LMLN: variants seen among roughly 807,000 people sequenced by gnomAD.
LMLN encodes leishmanolysin-like peptidase.
Under a neutral mutation model 92.3 loss-of-function variants are expected in LMLN, and 70 were observed. The observed-to-expected ratio is 0.76, with a 90% confidence interval of 0.63 to 0.92. LMLN has a LOEUF of 0.92. LMLN is among the 40% of genes least tolerant of loss of function. The probability of loss-of-function intolerance (pLI) is 0.00; values close to 1 mark genes in which losing one functional copy is unlikely to be tolerated. For synonymous variants in LMLN, 308 were observed against 296.2 expected, an observed-to-expected ratio of 1.04 and a Z score of -0.41; for missense variants, 691 against 814.6, an observed-to-expected ratio of 0.85 and a Z score of 1.85.
chr3:197,980,525 T>C, intron 6 of LMLN, 21 bp downstream of exon 6: 1 of 1,603,204 alleles, frequency 6.2e-7, no homozygotes, highest in South Asian at 1.1e-5. Flanking sequence ...CTCCGGGACT[T>C]AGTTTCCAAG....
At chr3:197,969,038 T>A (rs1047123491) in intron 1 of LMLN, among the ~76,000 whole-genome samples, 6 of 152,098 alleles carry the variant, frequency 3.9e-5, no homozygotes, top group Admixed American at 2.6e-4. Flanking sequence ...AAGTCTGTAG[T>A]GATATCTTCT....
At chr3:198,007,340 G>A (rs898258859) in intron 11 of LMLN, among the ~76,000 whole-genome samples, 26 of 152,252 alleles carry the variant, frequency 1.7e-4, no homozygotes, top group Admixed American at 2.0e-4. Flanking sequence ...TGATTCATTT[G>A]AGTTAAGTTT....
At chr3:198,006,674 TACTC>T (rs1722302156) in intron 11 of LMLN, among the ~76,000 whole-genome samples, 1 of 152,162 alleles carries the variant, frequency 6.6e-6, no homozygotes, top group Admixed American at 6.6e-5. Flanking sequence ...TTCATGTGCT[TACTC>T]ACTGATAATA....
chr3:197,988,360 C>A (rs779101116), intron 8 of LMLN, among the ~76,000 whole-genome samples: 5 of 150,776 alleles, frequency 3.3e-5, no homozygotes, highest in Non-Finnish European at 5.9e-5. Flanking sequence ...AATTATTATT[C>A]GATTTCTTTA....
intron 1 of LMLN, among the ~76,000 whole-genome samples, 154 bp downstream of exon 1, chr3:197,960,594 C>G (rs1328622751): frequency 6.6e-6 from 1 of 152,124 alleles, no homozygotes; most frequent in Admixed American, 6.5e-5. Flanking sequence ...GCTCTCAGCT[C>G]CCTACACCCT....
At position 198,013,782 on chromosome 3, in the gene LMLN, TCTGAC is replaced by T. The variant is rs1473788669; in HGVS notation, c.1233-5470_1233-5466del. 5.7e-5 allele frequency among the ~76,000 whole-genome samples: 8 copies of T among 139,304 alleles called. 1 individual carries two copies. Among genetic ancestry groups the T allele is most frequent in the African/African-American group, 2.4e-4 (8 of 33,310 alleles). 91.4% of individuals were successfully genotyped at this position (139,304 alleles called of 152,430 possible). A position where few individuals can be genotyped will look rare whatever the true frequency, so the allele number is the denominator to read the frequency against. On this transcript the variant is annotated intron_variant, in intron 11 of 15. Transcript: ENST00000330198. ...CCACCCTTCAGAGCCCCCTAACTAG[TCTGAC>T]TTCTCTCCACCCTTCAGAGCCTCCT...
intron 11 of LMLN, among the ~76,000 whole-genome samples, chr3:198,000,502 A>C (rs1239032514): frequency 2.0e-5 from 3 of 152,212 alleles, no homozygotes; most frequent in Admixed American, 1.3e-4. Context: ...ATCTTGGCTC[A>C]CTGCAACCTC....
intron 10 of LMLN, among the ~76,000 whole-genome samples, chr3:197,997,645 A>G (rs1195649246): frequency 6.6e-6 from 1 of 152,194 alleles, no homozygotes; most frequent in Admixed American, 6.5e-5. Flanking sequence ...TGGCTGTCTT[A>G]GTATACTTGG....
intron 11 of LMLN, among the ~76,000 whole-genome samples, chr3:198,001,896 A>C (rs1043637782): frequency 1.2e-4 from 18 of 151,888 alleles, no homozygotes; most frequent in African/African-American, 4.4e-4. Flanking sequence ...AAAGTGATCC[A>C]CCCACCTTGG....
intron 14 of LMLN, among the ~76,000 whole-genome samples, chr3:198,033,458 C>T (rs1383626106): frequency 1.3e-5 from 2 of 151,686 alleles, no homozygotes; most frequent in African/African-American, 4.8e-5. Context: ...ACTCTGTCAC[C>T]CAGGCTGGAG....
chr3:198,002,345 G>C (rs985873816), intron 11 of LMLN, among the ~76,000 whole-genome samples: 4 of 152,100 alleles, frequency 2.6e-5, no homozygotes, highest in African/African-American at 9.7e-5. Flanking sequence ...TGGCCAGGCT[G>C]GTCTCGAACT....
intron 11 of LMLN, among the ~76,000 whole-genome samples, chr3:198,018,265 C>A (rs566993776): frequency 1.3e-5 from 2 of 152,262 alleles, no homozygotes; most frequent in East Asian, 1.9e-4. Flanking sequence ...CTTCCATATT[C>A]ATTGGAAGCT....
At chr3:197,996,450 A>G (rs1560144059) in intron 10 of LMLN, 168 bp downstream of exon 10, 3 of 462,988 alleles carry the variant, frequency 6.5e-6, no homozygotes, top group Non-Finnish European at 1.1e-5. Flanking sequence ...TTTTTTGTAT[A>G]TACTTTCATA....
Position 198,031,232 on chromosome 3 carries a change from T to G in LMLN, c.1657-4601T>G, listed in dbSNP as rs1723071368. ...GGGAGACAGTTACAGAAAAGTAAAATGTATGCGGAGGCTAAAGGAAGATAA... is the reference window on the plus strand; with the variant it reads ...GGGAGACAGTTACAGAAAAGTAAAAGGTATGCGGAGGCTAAAGGAAGATAA... On this transcript the variant is annotated intron_variant, in intron 14 of 15. Coordinates refer to ENST00000330198, the Ensembl canonical transcript of LMLN. This position sits in a 1 kb window ranked among gnomAD's most constrained non-coding sequence, Gnocchi z 4.8. 6.6e-6 allele frequency among the ~76,000 whole-genome samples: 1 copy of G among 152,220 alleles called. No individual in the cohort carries two copies. The highest frequency in any genetic ancestry group is 1.5e-5 in the Non-Finnish European group (1 of 68,046).
At chr3:198,012,841 A>G (rs1365605058) in intron 11 of LMLN, among the ~76,000 whole-genome samples, 5 of 146,060 alleles carry the variant, frequency 3.4e-5, no homozygotes, top group Admixed American at 2.7e-4. Flanking sequence ...TCCACCCTTC[A>G]GAGTCCCCTA....
At chr3:197,978,443 C>G (rs1721465745) in intron 5 of LMLN, among the ~76,000 whole-genome samples, 1 of 152,096 alleles carries the variant, frequency 6.6e-6, no homozygotes, top group Non-Finnish European at 1.5e-5. Context: ...TAAGACTAGC[C>G]TTGGCAACAT....
intron 5 of LMLN, among the ~76,000 whole-genome samples, chr3:197,976,939 C>G (rs1305205295): frequency 6.6e-6 from 1 of 152,212 alleles, no homozygotes; most frequent in Non-Finnish European, 1.5e-5. Context: ...CCCTGTTTAT[C>G]TTGGTCTGCT....
chr3:197,989,938 G>C (rs1327217469), intron 8 of LMLN, among the ~76,000 whole-genome samples: 1 of 152,208 alleles, frequency 6.6e-6, no homozygotes, highest in African/African-American at 2.4e-5. Flanking sequence ...GCGGCTGTGT[G>C]AACATAGCTC....
At chr3:198,006,748 C>T (rs6808616) in intron 11 of LMLN, among the ~76,000 whole-genome samples, 31,305 of 151,304 alleles carry the variant, frequency 0.21, 5,221 homozygotes, top group African/African-American at 0.46. Flanking sequence ...AGTTTTGCTC[C>T]GTCACCCAGG....
Sources: gnomAD v4.1 joint callset for allele counts (sites outside exome capture counted in the v4.1 genomes callset) on GRCh38, gnomAD v4.1.1 for gene constraint, Gnocchi (gnomAD v3.1) non-coding constraint, MANE v1.5 for transcripts, NCBI Gene and HGNC (gene_info 2026-07-23, HGNC 2026-07-21) for gene names.